Variants in AAGAB observed in about 807,000 individuals in gnomAD.
AAGAB encodes alpha and gamma adaptin binding protein, also known as alpha- and gamma-adaptin-binding protein p34.
Under a neutral mutation model 44.1 loss-of-function variants are expected in AAGAB, and 38 were observed. That is an observed-to-expected ratio of 0.86 (90% confidence interval 0.67 to 1.13). The LOEUF is 1.13. AAGAB is among the 50% of genes most tolerant of loss of function. The pLI is 0.00. For missense variants in AAGAB, 450 were observed against 373.8 expected (o/e 1.20, Z -1.68); for synonymous variants, 131 against 131.8 (o/e 0.99, Z 0.04).
Position 67,254,573 on chromosome 15 carries a change from TCTC to T in AAGAB, c.56_58del (p.Gly19del). 3.7e-6 allele frequency: 6 copies of T among 1,609,542 alleles called. No homozygotes were observed. Among genetic ancestry groups the T allele is most frequent in the Non-Finnish European group, 5.1e-6 (6 of 1,178,848 alleles). On this transcript the variant is annotated inframe_deletion, in exon 1 of 10. Coordinates refer to ENST00000261880, the MANE Select transcript of AAGAB (RefSeq NM_024666.5). ...TATCTACTCACGTTGGACCAGCTGGTCTCCTGAGAAGACGGAGGAGCAGCTGGT... is the reference window on the plus strand; with the variant it reads ...TATCTACTCACGTTGGACCAGCTGGTCTGAGAAGACGGAGGAGCAGCTGGT...
intron 4 of AAGAB, among the ~76,000 whole-genome samples, chr15:67,234,856 T>TTAA: frequency 6.6e-6 from 1 of 152,318 alleles, no homozygotes. Flanking sequence ...TCAACACTCT[T>TTAA]TAAAATGAGC....
chr15:67,251,404 C>T (rs573112272), intron 1 of AAGAB, among the ~76,000 whole-genome samples: 3 of 152,210 alleles, frequency 2.0e-5, no homozygotes, highest in Non-Finnish European at 4.4e-5. Context: ...CCACTATGCC[C>T]GGCTAATTTG....
rs1382861392 is a variant in AAGAB at position 67,201,380 on chromosome 15, C to G, written c.*1441G>C. On this transcript the variant is annotated 3_prime_UTR_variant, in exon 10 of 10. Transcript: ENST00000261880. ...CTGAATGCTCCAGTCACTGAGCTGT[C>G]CCCTCCCTGTGGTCACTCCTGCTGG... The G allele has an allele frequency of 6.6e-6, 1 of 152,356 alleles. No individual in the cohort carries two copies. Among genetic ancestry groups the G allele is most frequent in the African/African-American group, 2.4e-5 (1 of 41,414 alleles). 9.4% of individuals were successfully genotyped at this position (152,356 alleles called of 1,614,324 possible).
At chr15:67,212,456 G>A (rs1043549801) in intron 5 of AAGAB, among the ~76,000 whole-genome samples, 1 of 152,180 alleles carries the variant, frequency 6.6e-6, no homozygotes, top group Non-Finnish European at 1.5e-5. Flanking sequence ...CTAGTGGTCA[G>A]AAAACTTGTC....
chr15:67,239,161 T>C (rs936108871), intron 1 of AAGAB, among the ~76,000 whole-genome samples: 10 of 152,294 alleles, frequency 6.6e-5, no homozygotes, highest in Middle Eastern at 3.4e-3. Flanking sequence ...ATTTCCTAAA[T>C]TGGTTGTATT....
chr15:67,243,892 AATT>A (rs1964661496), intron 1 of AAGAB, among the ~76,000 whole-genome samples: 1 of 152,186 alleles, frequency 6.6e-6, no homozygotes, highest in South Asian at 2.1e-4. Flanking sequence ...TAACCATAAA[AATT>A]ATTGACAATT....
chr15:67,209,476 G>C lies in AAGAB; in HGVS notation c.604C>G (p.Pro202Ala), dbSNP rs1425424732. 1.2e-6 allele frequency: 2 copies of C among 1,613,962 alleles called. No individual in the cohort carries two copies. The highest frequency in any genetic ancestry group is 8.5e-7 in the Non-Finnish European group (1 of 1,179,850). Residue 202 changes from proline (P) to alanine (A), a missense_variant, in exon 6 of 10, where the codon CCC (proline) becomes GCC (alanine). Physicochemically the swap from Pro to Ala is conservative, Grantham distance 27. Transcript: ENST00000261880. The stretch of plus-strand genomic sequence containing the variant: ...AAAACCTTTACCTCTGGGTGACAGG[G>C]ATCTGCTGACCCAATGCTATGGTTT... ...GTNHSIGSAD[P>A]CHPEQPHLPA... is the part of the protein sequence containing the mutation.
chr15:67,249,715 T>C (rs932254752), intron 1 of AAGAB, among the ~76,000 whole-genome samples: 2 of 152,220 alleles, frequency 1.3e-5, no homozygotes, highest in African/African-American at 4.8e-5. Flanking sequence ...ATTAAAATAG[T>C]TCTGACTGCT....
chr15:67,226,614 G>T (rs928820295), intron 5 of AAGAB: 3 of 152,144 alleles, frequency 2.0e-5, no homozygotes, highest in African/African-American at 4.8e-5. Flanking sequence ...CATTTTGAGG[G>T]TTATCTTTTA....
intron 1 of AAGAB, among the ~76,000 whole-genome samples, chr15:67,245,376 G>C (rs1711839485): frequency 6.6e-6 from 1 of 152,194 alleles, no homozygotes; most frequent in Admixed American, 6.5e-5. Flanking sequence ...AAAGAAGCCA[G>C]ACACAAAAGA....
At chr15:67,205,898 A>G (rs940915749) in intron 7 of AAGAB, among the ~76,000 whole-genome samples, 3 of 152,038 alleles carry the variant, frequency 2.0e-5, no homozygotes, top group African/African-American at 7.2e-5. Context: ...CTCTTAAAAA[A>G]AAACTTGCAA....
chr15:67,248,827 C>A (rs906097818), intron 1 of AAGAB, among the ~76,000 whole-genome samples: 1 of 152,062 alleles, frequency 6.6e-6, no homozygotes, highest in Non-Finnish European at 1.5e-5. Context: ...ACCTGAGGAC[C>A]GGAGGGTTAT....
At chr15:67,251,832 C>T (rs941538008) in intron 1 of AAGAB, among the ~76,000 whole-genome samples, 1 of 152,190 alleles carries the variant, frequency 6.6e-6, no homozygotes, top group Non-Finnish European at 1.5e-5. Flanking sequence ...TTAATTTAAT[C>T]CCAGCTTTAA....
chr15:67,203,952 A>C (rs975689227), intron 8 of AAGAB, 92 bp downstream of exon 8: 18 of 787,348 alleles, frequency 2.3e-5, no homozygotes, highest in Non-Finnish European at 3.7e-5. Flanking sequence ...AGAACAAGGA[A>C]TCCAATCCAG....
At chr15:67,224,362 T>A (rs182146067) in intron 5 of AAGAB, among the ~76,000 whole-genome samples, 137 of 152,236 alleles carry the variant, frequency 9.0e-4, no homozygotes, top group Non-Finnish European at 1.4e-3. Flanking sequence ...TCCCAGATAA[T>A]CAGGTACTTA....
intron 4 of AAGAB, among the ~76,000 whole-genome samples, chr15:67,233,911 T>C (rs1177338904): frequency 6.6e-6 from 1 of 152,114 alleles, no homozygotes; most frequent in Non-Finnish European, 1.5e-5. Flanking sequence ...ATTTAAAGAA[T>C]ACCAACCTGC....
At chr15:67,225,916 T>C (rs1288806300) in intron 5 of AAGAB, among the ~76,000 whole-genome samples, 2 of 152,172 alleles carry the variant, frequency 1.3e-5, no homozygotes, top group Admixed American at 1.3e-4. Context: ...CATATGGTAA[T>C]TCTATGTTTA....
chr15:67,248,266 A>G (rs904259048), intron 1 of AAGAB, among the ~76,000 whole-genome samples: 1 of 152,218 alleles, frequency 6.6e-6, no homozygotes, highest in African/African-American at 2.4e-5. Context: ...CCCTCACCCC[A>G]GTCATCAGTT....
intron 5 of AAGAB, among the ~76,000 whole-genome samples, chr15:67,216,312 T>A (rs927365321): frequency 7.3e-5 from 11 of 151,406 alleles, no homozygotes; most frequent in Non-Finnish European, 1.6e-4. Flanking sequence ...CGTGGTGGCG[T>A]GTGCCTGTAG....
Sources: allele counts gnomAD v4.1 joint callset (sites outside exome capture counted in the v4.1 genomes callset), GRCh38; gene constraint gnomAD v4.1.1; transcripts MANE v1.5; gene names NCBI Gene and HGNC (gene_info 2026-07-23, HGNC 2026-07-21).